The following PALS2 variants were observed in gnomAD, a reference collection of about 807,000 sequenced individuals.
The protein encoded by PALS2 is protein PALS2.
Under a neutral mutation model 61.6 loss-of-function variants are expected in PALS2, and 27 were observed. That is an observed-to-expected ratio of 0.44 (90% CI 0.32 to 0.60). The LOEUF (loss-of-function observed/expected upper bound fraction) is 0.60. Among genes scored for constraint, PALS2 ranks in the 20% least tolerant of loss-of-function variants. PALS2 has a pLI of 0.05. For missense variants in PALS2, 554 were observed against 639.4 expected (o/e 0.87, Z 1.44); for synonymous variants, 236 against 218.6 (o/e 1.08, Z -0.70).
rs537766849 is a variant in PALS2, at chr7:24,579,120, A to G, written c.-3+5527A>G. On this transcript the variant is annotated intron_variant, in intron 1 of 11. Coordinates refer to ENST00000222644, the MANE Select transcript of PALS2 (RefSeq NM_001303037.2). The stretch of plus-strand genomic sequence containing the variant: ...ACCAACCATCAAGTGGGCAAAGATC[A>G]TGAACAGAGTAATTCTCAGAAAAGG... Among the ~76,000 whole-genome samples, 3 of 152,392 alleles carry G rather than the reference A, an allele frequency of 2.0e-5. No individual in the cohort carries two copies. In the South Asian group the frequency reaches 6.2e-4, roughly 32 times the overall value.
At chr7:24,668,808 A>C in intron 9 of PALS2, 148 bp downstream of exon 9, 2 of 978,792 alleles carry the variant, frequency 2.0e-6, no homozygotes, top group Non-Finnish European at 3.0e-6. Context: ...AGACATTGAA[A>C]AATTTAGTAA....
intron 5 of PALS2, chr7:24,663,336 G>C (rs533042999): frequency 7.1e-5 from 20 of 280,396 alleles, no homozygotes; most frequent in African/African-American, 4.5e-4. Flanking sequence ...AGAATGGTGG[G>C]ATAGAATGAT....
At chr7:24,602,019 G>A (rs1783737173) in intron 1 of PALS2, among the ~76,000 whole-genome samples, 1 of 151,784 alleles carries the variant, frequency 6.6e-6, no homozygotes, top group Non-Finnish European at 1.5e-5. Context: ...CCTCCATTTT[G>A]TCTCTCCTTT....
At chr7:24,647,756 T>C (rs181851834) in intron 3 of PALS2, among the ~76,000 whole-genome samples, 1 of 152,056 alleles carries the variant, frequency 6.6e-6, no homozygotes, top group Admixed American at 6.6e-5. Flanking sequence ...AACAAATGAG[T>C]TTTTTCAGTC....
At position 24,615,680 on chromosome 7, in the gene PALS2, A is replaced by T. The variant is rs533111642; in HGVS notation, c.-2-7986A>T. 4.4e-4 allele frequency among the ~76,000 whole-genome samples: 67 copies of T among 152,054 alleles called. No homozygotes were observed. The South Asian group carries it at 0.012, about 28-fold the overall frequency. ...CTTCTCAAACTATTCCAAAAATTGGAGGGGAGGGAATTCTTCTAAACTCAT... is the reference window on the plus strand; with the variant it reads ...CTTCTCAAACTATTCCAAAAATTGGTGGGGAGGGAATTCTTCTAAACTCAT... On this transcript the variant is annotated intron_variant, in intron 1 of 11. Coordinates refer to ENST00000222644, the MANE Select transcript of PALS2 (RefSeq NM_001303037.2).
rs192744771 is a variant in PALS2, at chr7:24,665,795, A to T, written c.883+108A>T. The T allele has an allele frequency of 4.4e-3, 4,666 of 1,061,946 alleles. 19 individuals are homozygous for T. The highest frequency in any genetic ancestry group is 5.7e-3 in the Non-Finnish European group (4,140 of 724,672). The allele number at this position is 1,061,946 out of a possible 1,614,324, so 65.8% of individuals were successfully genotyped here. ...TTTATTTAAAATATGTCTAGAATGA[A>T]TCCCTCCCTCTGCTTTCTCTCGCTC... On this transcript the variant is annotated intron_variant, in intron 7 of 11. Coordinates refer to ENST00000222644, the MANE Select transcript of PALS2 (RefSeq NM_001303037.2).
chr7:24,644,094 T>TC (rs1464848632), intron 3 of PALS2, among the ~76,000 whole-genome samples: 1 of 144,018 alleles, frequency 6.9e-6, no homozygotes, highest in Non-Finnish European at 1.5e-5. Flanking sequence ...TTTTCTTTTT[T>TC]CTTTTTTTTT....
chr7:24,617,895 C>T (rs1427056980), intron 1 of PALS2, among the ~76,000 whole-genome samples: 1 of 152,182 alleles, frequency 6.6e-6, no homozygotes, highest in African/African-American at 2.4e-5. Context: ...GGCTATTTCT[C>T]AAGTTCTCAG....
intron 1 of PALS2, among the ~76,000 whole-genome samples, chr7:24,603,625 A>G (rs1418509087): frequency 6.6e-6 from 1 of 152,216 alleles, no homozygotes; most frequent in Non-Finnish European, 1.5e-5. Context: ...GAGGTTTTTG[A>G]ACACAGCCGT....
chr7:24,624,040 C>A, intron 2 of PALS2: 1 of 1,299,810 alleles, frequency 7.7e-7, no homozygotes, highest in Non-Finnish European at 1.0e-6. Flanking sequence ...GAAATCATAC[C>A]TGCACAGTTG....
At chr7:24,612,641 T>C (rs1441341421) in intron 1 of PALS2, among the ~76,000 whole-genome samples, 2 of 151,858 alleles carry the variant, frequency 1.3e-5, no homozygotes, top group Non-Finnish European at 3.0e-5. Flanking sequence ...TTTAGTCTTA[T>C]TTGGTTATTA....
rs539925926 is a variant in PALS2, at chr7:24,689,740, T to C, written c.*2126T>C. The C allele has an allele frequency of 6.6e-6, 1 of 152,350 alleles. No homozygotes were observed. Among genetic ancestry groups the C allele is most frequent in the Admixed American group, 6.5e-5 (1 of 15,306 alleles). The allele number at this position is 152,350 out of a possible 1,614,324, so 9.4% of individuals were successfully genotyped here. ...CATGTGTTTACACCAAATTCTTGGC[T>C]TCTCAAAGCAACATGAATTAAAGCA... is the stretch of plus-strand genomic sequence containing the variant. On this transcript the variant is annotated 3_prime_UTR_variant, in exon 12 of 12. Coordinates refer to ENST00000222644, the MANE Select transcript of PALS2 (RefSeq NM_001303037.2).
rs775979149 is a variant in PALS2, at chr7:24,641,784, A to G, written c.186A>G (p.Glu62=). Residue 62 remains glutamate, a synonymous_variant, in exon 3 of 12, where the codon GAA becomes GAG. Coordinates refer to ENST00000222644, the MANE Select transcript of PALS2 (RefSeq NM_001303037.2). ...VSDNNLELVN[E]ILEDITPLIN... ...ACAATAACTTGGAATTAGTCAATGA[A>G]ATTCTTGAAGACATCACTCCTCTAA... 4.6e-5 allele frequency: 74 copies of G among 1,612,892 alleles called. No individual in the cohort carries two copies. Among genetic ancestry groups the G allele is most frequent in the Non-Finnish European group, 5.5e-5 (65 of 1,179,342 alleles).
chr7:24,634,175 A>G (rs564492267), intron 2 of PALS2, among the ~76,000 whole-genome samples: 1 of 152,304 alleles, frequency 6.6e-6, no homozygotes, highest in Non-Finnish European at 1.5e-5. Context: ...TATATAGATT[A>G]TCTTTTTACT....
chr7:24,598,349 C>T (rs553845877), intron 1 of PALS2, among the ~76,000 whole-genome samples: 2 of 152,064 alleles, frequency 1.3e-5, no homozygotes, highest in East Asian at 1.9e-4. Flanking sequence ...ATTTTCAAAA[C>T]GTACCCAGCT....
At chr7:24,686,399 T>G (rs1289378013) in intron 11 of PALS2, among the ~76,000 whole-genome samples, 1 of 152,192 alleles carries the variant, frequency 6.6e-6, no homozygotes, top group Admixed American at 6.5e-5. Context: ...TTCCCAACCC[T>G]TCACCCATTC....
chr7:24,662,609 A>T (rs1786781976), intron 5 of PALS2, among the ~76,000 whole-genome samples: 1 of 152,074 alleles, frequency 6.6e-6, no homozygotes, highest in Non-Finnish European at 1.5e-5. Flanking sequence ...TCTCTACTAA[A>T]AATACAAAAA....
chr7:24,583,673 T>A (rs1013389341), intron 1 of PALS2, among the ~76,000 whole-genome samples: 6 of 148,500 alleles, frequency 4.0e-5, no homozygotes, highest in Admixed American at 1.3e-4. Flanking sequence ...TTTTTTTTTT[T>A]ATTATACTTT....
intron 2 of PALS2, among the ~76,000 whole-genome samples, chr7:24,624,930 G>T (rs1289827163): frequency 6.6e-6 from 1 of 151,984 alleles, no homozygotes; most frequent in Non-Finnish European, 1.5e-5. Flanking sequence ...TTATTTACGT[G>T]TTTACTTATG....
Sources: allele counts gnomAD v4.1 joint callset (sites outside exome capture counted in the v4.1 genomes callset), GRCh38; gene constraint gnomAD v4.1.1; transcripts MANE v1.5; gene names NCBI Gene and HGNC (gene_info 2026-07-23, HGNC 2026-07-21).